The following RANBP2 variants were observed in gnomAD, a reference collection of about 807,000 sequenced individuals.
The protein encoded by RANBP2 is E3 SUMO-protein ligase RanBP2.
RANBP2 carries 57 observed loss-of-function variants against 303.6 expected under a neutral mutation model. The observed-to-expected ratio is 0.19, with a 90% confidence interval of 0.15 to 0.23. The LOEUF is 0.23. RANBP2 is among the 10% of genes least tolerant of loss of function. The probability of loss-of-function intolerance (pLI) is 1.00; values close to 1 mark genes in which losing one functional copy is unlikely to be tolerated. For missense variants in RANBP2, 3,138 were observed against 3,780.8 expected, an observed-to-expected ratio of 0.83 and a Z score of 4.46; for synonymous variants, 1,167 against 1,301.5, an observed-to-expected ratio of 0.90 and a Z score of 2.23.
the RANBP2 span, among the ~76,000 whole-genome samples, chr2:109,492,099 G>A: frequency 2.7e-3 from 417 of 152,340 alleles, 1 homozygote; most frequent in African/African-American, 9.5e-3. Context: ...CTGCCTTCAC[G>A]GTGGAAGCGT....
chr2:108,873,725 C>T, the RANBP2 span: 2 of 566,722 alleles, frequency 3.5e-6, no homozygotes, highest in South Asian at 2.7e-5. Context: ...ACATAAAATA[C>T]GCTAACACTA....
the RANBP2 span, among the ~76,000 whole-genome samples, chr2:109,433,724 C>T: frequency 0.013 from 2,012 of 152,308 alleles, 44 homozygotes; most frequent in African/African-American, 0.045. Flanking sequence ...GGGCCTCTCT[C>T]GAGGTGCCCA....
At chr2:109,174,512 A>G in the RANBP2 span, among the ~76,000 whole-genome samples, 1 of 152,230 alleles carries the variant, frequency 6.6e-6, no homozygotes, top group African/African-American at 2.4e-5. Flanking sequence ...AGCCAGGGCA[A>G]CGGGCAGTCC....
chr2:109,568,373 CT>C, the RANBP2 span, among the ~76,000 whole-genome samples: 502 of 129,150 alleles, frequency 3.9e-3, 1 homozygote, highest in African/African-American at 7.6e-3. Context: ...GCCACACAAT[CT>C]TTTTTTTTTT....
chr2:108,885,520 A>G, the RANBP2 span: 3 of 152,268 alleles, frequency 2.0e-5, no homozygotes, highest in Non-Finnish European at 4.4e-5. Context: ...AATGTAAAGA[A>G]TTAATGAGAC....
the RANBP2 span, among the ~76,000 whole-genome samples, chr2:109,121,665 G>A: frequency 1.3e-5 from 2 of 152,152 alleles, no homozygotes. Flanking sequence ...CCTCTGCTTA[G>A]CAAGTGGGAA....
At chr2:109,199,612 T>TCAACCCGACTGCAGG in the RANBP2 span, among the ~76,000 whole-genome samples, 1 of 336 alleles carries the variant, frequency 3.0e-3, no homozygotes, top group African/African-American at 8.8e-3. Context: ...TGGAATGGAA[T>TCAACCCGACTGCAGG]GGAATGGAAT....
chr2:109,447,157 A>G, the RANBP2 span, among the ~76,000 whole-genome samples: 2 of 149,830 alleles, frequency 1.3e-5, no homozygotes, highest in South Asian at 4.2e-4. Context: ...TAAAAAAAAA[A>G]AAAAAAAAAA....
At chr2:109,167,172 A>AT in the RANBP2 span, among the ~76,000 whole-genome samples, 3 of 152,138 alleles carry the variant, frequency 2.0e-5, no homozygotes, top group Admixed American at 6.6e-5. Context: ...TCATTTTTCC[A>AT]TTTTTTCCAG....
the RANBP2 span, among the ~76,000 whole-genome samples, chr2:109,054,444 C>T: frequency 3.9e-5 from 6 of 152,132 alleles, no homozygotes; most frequent in African/African-American, 1.4e-4. Context: ...CGGTGGCTCA[C>T]GCCTGTAATC....
At chr2:109,303,916 A>G in the RANBP2 span, among the ~76,000 whole-genome samples, 3 of 152,078 alleles carry the variant, frequency 2.0e-5, no homozygotes, top group Non-Finnish European at 2.9e-5. Flanking sequence ...AATCCTTACT[A>G]TAAGATATAA....
the RANBP2 span, among the ~76,000 whole-genome samples, chr2:109,431,205 T>G: frequency 6.6e-6 from 1 of 152,192 alleles, no homozygotes; most frequent in Non-Finnish European, 1.5e-5. Flanking sequence ...TCCCCAGAGA[T>G]GCACTGTGTG....
At chr2:109,354,612 T>C in the RANBP2 span, among the ~76,000 whole-genome samples, 2 of 152,244 alleles carry the variant, frequency 1.3e-5, no homozygotes, top group African/African-American at 4.8e-5. Flanking sequence ...CCCAAATGCC[T>C]GATATGTGAG....
chr2:108,815,344 A>C, the RANBP2 span, among the ~76,000 whole-genome samples: 1 of 151,988 alleles, frequency 6.6e-6, no homozygotes, highest in Non-Finnish European at 1.5e-5. Flanking sequence ...AATTTTTATG[A>C]AAAGTTTTCT....
chr2:109,545,703 G>T, the RANBP2 span: 2 of 1,457,988 alleles, frequency 1.4e-6, no homozygotes, highest in Admixed American at 4.8e-5. Context: ...CTCATGGTAG[G>T]TCAGCAGCCA....
At chr2:109,306,612 A>T in the RANBP2 span, among the ~76,000 whole-genome samples, 19 of 152,142 alleles carry the variant, frequency 1.2e-4, no homozygotes, top group Admixed American at 1.2e-3. Context: ...GCCGCAACCC[A>T]CTGTTATGCA....
At chr2:109,415,261 T>G in the RANBP2 span, among the ~76,000 whole-genome samples, 1 of 152,202 alleles carries the variant, frequency 6.6e-6, no homozygotes, top group South Asian at 2.1e-4. Context: ...TCTGTGGCTG[T>G]TTGTTTCAGC....
the RANBP2 span, among the ~76,000 whole-genome samples, chr2:109,217,135 T>C: frequency 6.6e-6 from 1 of 152,244 alleles, no homozygotes. Context: ...TAAATCCTAT[T>C]CCATCGTACG....
chr2:108,768,083 T>A lies in RANBP2; in HGVS notation c.7544T>A (p.Val2515Glu). The change falls in exon 20 of 29, where the codon GTA (valine) becomes GAA (glutamate). Residue 2515 changes from valine to glutamate, a missense_variant. Val to Glu is a moderately radical substitution (Grantham distance 121). Transcript: ENST00000283195. ...GCAGTGGTTTCTCCTCCAAAGTTTG[T>A]ATTTGGTTCAGAGTCTGTTAAAAGC... is the stretch of plus-strand genomic sequence containing the variant. ...PKAVVSPPKF[V>E]FGSESVKSIF... The A allele has an allele frequency of 6.2e-7, 1 of 1,612,052 alleles. No individual in the cohort carries two copies. Among genetic ancestry groups the A allele is most frequent in the South Asian group, 1.1e-5 (1 of 90,992 alleles).
Sources: gnomAD v4.1 joint callset for allele counts (sites outside exome capture counted in the v4.1 genomes callset) on GRCh38, gnomAD v4.1.1 for gene constraint, MANE v1.5 for transcripts, NCBI Gene and HGNC (gene_info 2026-07-23, HGNC 2026-07-21) for gene names.